The following OR9I1 variants were observed in gnomAD, a reference collection of about 807,000 sequenced individuals.
The protein encoded by OR9I1 is olfactory receptor 9I1.
A neutral mutation model predicts 11.2 loss-of-function variants in OR9I1; 7 were observed. The observed-to-expected ratio is 0.62, with a 90% CI of 0.36 to 1.17. The LOEUF (loss-of-function observed/expected upper bound fraction) is 1.17. Among genes scored for constraint, OR9I1 ranks in the 50% most tolerant of loss-of-function variants. The probability of loss-of-function intolerance (pLI) is 0.02; values close to 1 mark genes in which losing one functional copy is unlikely to be tolerated. For synonymous variants in OR9I1, 165 were observed against 153.4 expected, an observed-to-expected ratio of 1.08 and a Z score of -0.56; for missense variants, 428 against 377.2, an observed-to-expected ratio of 1.13 and a Z score of -1.12.
intron 2 of OR9I1, among the ~76,000 whole-genome samples, chr11:58,123,345 C>T (rs1001004453): frequency 5.3e-5 from 8 of 152,252 alleles, no homozygotes; most frequent in East Asian, 1.9e-4. Context: ...ATTTCAACAC[C>T]TTTCTCAGTA....
At chr11:58,123,423 A>G (rs1027978467) in intron 2 of OR9I1, among the ~76,000 whole-genome samples, 2 of 152,134 alleles carry the variant, frequency 1.3e-5, no homozygotes, top group African/African-American at 4.8e-5. Context: ...GGTCTCTCTG[A>G]TTAGAGACAC....
At position 58,118,379 on chromosome 11, in the gene OR9I1, G is replaced by T. The variant is rs912004110; in HGVS notation, c.*121C>A. 4.5e-6 allele frequency: 3 copies of T among 672,338 alleles called. No homozygotes were observed. Among genetic ancestry groups the T allele is most frequent in the Non-Finnish European group, 5.1e-6 (2 of 392,842 alleles). The allele number at this position is 672,338 out of a possible 1,614,324, so 41.6% of individuals were successfully genotyped here. ...AATTGTAGTTTTTCCTGTGTGCCTG[G>T]TGGTACCTATCTTCTGTCTTCTCTG... On this transcript the variant is annotated 3_prime_UTR_variant, in exon 3 of 3. Coordinates refer to ENST00000641439, the MANE Select transcript of OR9I1 (RefSeq NM_001005211.2).
chr11:58,123,374 G>T (rs1457818394), intron 2 of OR9I1, among the ~76,000 whole-genome samples: 1 of 152,122 alleles, frequency 6.6e-6, no homozygotes, highest in Non-Finnish European at 1.5e-5. Context: ...TGAAATTGTT[G>T]TAGGTCATAT....
Position 58,118,740 on chromosome 11 carries a change from G to A in OR9I1, c.705C>T (p.Ala235=). 1 of 1,614,036 alleles carries A rather than the reference G, an allele frequency of 6.2e-7. No individual in the cohort carries two copies. The change falls in exon 3 of 3, where the codon GCC becomes GCT. Residue 235 remains alanine (A), a synonymous_variant. Coordinates refer to ENST00000641439, the MANE Select transcript of OR9I1 (RefSeq NM_001005211.2). ...ILKVKSSGGR[A]KTFSTCASHI... is the part of the protein sequence containing the mutation. Reference sequence around the variant, plus strand: ...GAGAGGCACATGTGGAGAAAGTCTTGGCCCTGCCACCTGAAGACTTCACTT... The same window carrying A: ...GAGAGGCACATGTGGAGAAAGTCTTAGCCCTGCCACCTGAAGACTTCACTT...
At chr11:58,120,428 A>G (rs745634892) in intron 2 of OR9I1, among the ~76,000 whole-genome samples, 2 of 151,992 alleles carry the variant, frequency 1.3e-5, no homozygotes, top group Non-Finnish European at 2.9e-5. Context: ...AAGAAAATTT[A>G]TTATCTTTTT....
At chr11:58,124,035 A>G (rs1439966254) in intron 2 of OR9I1, among the ~76,000 whole-genome samples, 10 of 152,218 alleles carry the variant, frequency 6.6e-5, no homozygotes, top group Non-Finnish European at 1.0e-4. Context: ...ATGGATGTTT[A>G]TCTAATATGG....
Position 58,124,613 on chromosome 11 carries a change from A to C in OR9I1, c.-198T>G, listed in dbSNP as rs1854070567. ...GCTCCAAGTCAGGTAGATGCTAAGCACTTTAAAGGCTTTTATTTCCTTTCA... is the reference window on the plus strand; with the variant it reads ...GCTCCAAGTCAGGTAGATGCTAAGCCCTTTAAAGGCTTTTATTTCCTTTCA... On this transcript the variant is annotated 5_prime_UTR_variant, in exon 2 of 3. Coordinates refer to ENST00000641439, the MANE Select transcript of OR9I1 (RefSeq NM_001005211.2). The C allele has an allele frequency of 6.6e-6, 1 of 152,210 alleles. No homozygotes were observed. Among genetic ancestry groups the C allele is most frequent in the African/African-American group, 2.4e-5 (1 of 41,458 alleles). 9.4% of individuals were successfully genotyped at this position (152,210 alleles called of 1,614,324 possible).
At chr11:58,121,195 A>T (rs1854029246) in intron 2 of OR9I1, among the ~76,000 whole-genome samples, 1 of 152,202 alleles carries the variant, frequency 6.6e-6, no homozygotes, top group East Asian at 1.9e-4. Context: ...TGGTTAAAAT[A>T]ATTATGTTTA....
rs572089882 is a variant in OR9I1, at chr11:58,118,167, G to C, written c.*333C>G. Reference sequence around the variant, plus strand: ...AAAAACAAGAGGGAAAGGATGGCAAGCCCAGGCATGAGTTGAGAGAGTATT... The same window carrying C: ...AAAAACAAGAGGGAAAGGATGGCAACCCCAGGCATGAGTTGAGAGAGTATT... On this transcript the variant is annotated 3_prime_UTR_variant, in exon 3 of 3. Transcript: ENST00000641439. 2.7e-5 allele frequency: 5 copies of C among 185,408 alleles called. No individual in the cohort carries two copies. Among genetic ancestry groups the C allele is most frequent in the Non-Finnish European group, 4.4e-5 (4 of 89,980 alleles). The allele number at this position is 185,408 out of a possible 1,614,324, so 11.5% of individuals were successfully genotyped here. A position where few individuals can be genotyped will look rare whatever the true frequency, so the allele number is the denominator to read the frequency against.
At chr11:58,123,397 A>G (rs569929790) in intron 2 of OR9I1, among the ~76,000 whole-genome samples, 72 of 152,272 alleles carry the variant, frequency 4.7e-4, no homozygotes, top group Non-Finnish European at 1.0e-3. Flanking sequence ...CATCTATCTC[A>G]TGGCTAATTC....
At chr11:58,123,463 G>A (rs576179786) in intron 2 of OR9I1, among the ~76,000 whole-genome samples, 2 of 152,286 alleles carry the variant, frequency 1.3e-5, no homozygotes, top group South Asian at 2.1e-4. Flanking sequence ...CCAGAGATTA[G>A]GTGGCAGATT....
intron 2 of OR9I1, among the ~76,000 whole-genome samples, chr11:58,122,690 CTCT>C (rs750179700): frequency 5.3e-5 from 8 of 152,090 alleles, no homozygotes; most frequent in Non-Finnish European, 1.0e-4. Context: ...CAGGGCAAGG[CTCT>C]TCTTCATTTT....
At chr11:58,124,394 A>G (rs1441420870) in intron 2 of OR9I1, 44 bp downstream of exon 2, 1 of 152,188 alleles carries the variant, frequency 6.6e-6, no homozygotes, top group Non-Finnish European at 1.5e-5. Flanking sequence ...CTAATTCAGG[A>G]GGAACCCTTT....
intron 2 of OR9I1, among the ~76,000 whole-genome samples, chr11:58,120,357 C>A (rs1306421118): frequency 6.6e-6 from 1 of 151,894 alleles, no homozygotes; most frequent in Admixed American, 6.6e-5. Flanking sequence ...AACATATTCA[C>A]CTATTTGTAA....
At chr11:58,124,986 C>T (rs1854074732) in intron 1 of OR9I1, among the ~76,000 whole-genome samples, 1 of 152,142 alleles carries the variant, frequency 6.6e-6, no homozygotes, top group Non-Finnish European at 1.5e-5. Context: ...TCCAAGGTCA[C>T]ATGACTAGTC....
intron 2 of OR9I1, among the ~76,000 whole-genome samples, chr11:58,122,120 A>C (rs981311623): frequency 6.6e-6 from 1 of 152,126 alleles, no homozygotes; most frequent in Non-Finnish European, 1.5e-5. Context: ...AATCATTGTG[A>C]CTGCTTTATT....
chr11:58,125,062 A>T (rs937975374), intron 1 of OR9I1, among the ~76,000 whole-genome samples: 1 of 152,142 alleles, frequency 6.6e-6, no homozygotes, highest in Non-Finnish European at 1.5e-5. Context: ...AGTACATATG[A>T]CTAATTCTAC....
At chr11:58,123,790 G>A (rs1398820475) in intron 2 of OR9I1, among the ~76,000 whole-genome samples, 1 of 152,120 alleles carries the variant, frequency 6.6e-6, no homozygotes, top group Non-Finnish European at 1.5e-5. Context: ...TAAAATCAAA[G>A]CGCCTCTCTA....
chr11:58,119,540 G>T, intron 2 of OR9I1, 74 bp from the exon 3 acceptor site: 4 of 857,606 alleles, frequency 4.7e-6, no homozygotes, highest in South Asian at 4.0e-5. Flanking sequence ...TGGAAGTTTT[G>T]GTTTTAATTC....
Sources: gnomAD v4.1 joint callset for allele counts (sites outside exome capture counted in the v4.1 genomes callset) on GRCh38, gnomAD v4.1.1 for gene constraint, MANE v1.5 for transcripts, NCBI Gene and HGNC (gene_info 2026-07-23, HGNC 2026-07-21) for gene names.